Variants in ZNF474 observed in about 807,000 individuals in gnomAD.
ZNF474 encodes the protein zinc finger protein 474, also known as 4933409D10Rik.
For synonymous variants in ZNF474, 192 were observed against 162.2 expected (o/e 1.18, Z -1.39); for missense variants, 511 against 433.8 (o/e 1.18, Z -1.58).
At chr5:122,151,466 C>G (rs1420936622) in intron 1 of ZNF474, among the ~76,000 whole-genome samples, 1 of 152,058 alleles carries the variant, frequency 6.6e-6, no homozygotes, top group African/African-American at 2.4e-5. Context: ...TGGTCTCAGC[C>G]TCTATTGCTT....
At chr5:122,136,903 A>G (rs1257919072) in intron 1 of ZNF474, among the ~76,000 whole-genome samples, 2 of 152,196 alleles carry the variant, frequency 1.3e-5, no homozygotes, top group Non-Finnish European at 2.9e-5. Flanking sequence ...TTTTGTTATG[A>G]CCTACAATGT....
intron 1 of ZNF474, among the ~76,000 whole-genome samples, chr5:122,134,475 C>T (rs1040206903): frequency 6.6e-6 from 1 of 152,208 alleles, no homozygotes; most frequent in African/African-American, 2.4e-5. Context: ...AGAAAATTTT[C>T]TTGTCTTTGC....
intron 1 of ZNF474, among the ~76,000 whole-genome samples, chr5:122,143,559 G>A (rs996083561): frequency 7.9e-5 from 12 of 152,138 alleles, no homozygotes; most frequent in African/African-American, 2.7e-4. Flanking sequence ...ATTCTAGGTC[G>A]AGAAGGGGCT....
chr5:122,144,987 A>C (rs1755950020), intron 1 of ZNF474, among the ~76,000 whole-genome samples: 2 of 152,226 alleles, frequency 1.3e-5, no homozygotes, highest in Non-Finnish European at 2.9e-5. Flanking sequence ...TGATATTATA[A>C]GCCTTAACAA....
At chr5:122,133,402 C>T (rs190061480) in intron 1 of ZNF474, among the ~76,000 whole-genome samples, 21 of 152,124 alleles carry the variant, frequency 1.4e-4, no homozygotes, top group African/African-American at 4.6e-4. Context: ...CATATTCTTA[C>T]GAATTGACAG....
At chr5:122,142,356 G>C (rs1224444101) in intron 1 of ZNF474, among the ~76,000 whole-genome samples, 1 of 152,176 alleles carries the variant, frequency 6.6e-6, no homozygotes, top group African/African-American at 2.4e-5. Flanking sequence ...TCTTATGTGT[G>C]ACTTAAAATA....
Position 122,153,499 on chromosome 5 carries a change from A to G in ZNF474, c.*414A>G, listed in dbSNP as rs1159747950. On this transcript the variant is annotated 3_prime_UTR_variant, in exon 2 of 2. Transcript: ENST00000296600. ...TGGGTTATGCTGAGTTTATCTTACT[A>G]AAATAGAATCTGTGTCAAAAACCCC... The G allele has an allele frequency of 5.5e-6, 1 of 181,002 alleles. No individual in the cohort carries two copies. The highest frequency in any genetic ancestry group is 2.4e-5 in the African/African-American group (1 of 41,842). The allele number at this position is 181,002 out of a possible 1,614,324, so 11.2% of individuals were successfully genotyped here.
chr5:122,139,451 A>G (rs920430824), intron 1 of ZNF474, among the ~76,000 whole-genome samples: 1 of 152,190 alleles, frequency 6.6e-6, no homozygotes, highest in Non-Finnish European at 1.5e-5. Context: ...GGAATTTTGC[A>G]GTCAACTAAA....
At chr5:122,132,783 G>A (rs1755611678) in intron 1 of ZNF474, among the ~76,000 whole-genome samples, 1 of 152,118 alleles carries the variant, frequency 6.6e-6, no homozygotes. Flanking sequence ...CATCAAAAAT[G>A]AATTGATCAT....
chr5:122,135,000 G>C (rs1173641004), intron 1 of ZNF474, among the ~76,000 whole-genome samples: 1 of 152,126 alleles, frequency 6.6e-6, no homozygotes, highest in Non-Finnish European at 1.5e-5. Context: ...GGACAAATGG[G>C]ATCACAGCCA....
chr5:122,132,753 T>C (rs574759652), intron 1 of ZNF474, among the ~76,000 whole-genome samples: 1 of 152,322 alleles, frequency 6.6e-6, no homozygotes, highest in African/African-American at 2.4e-5. Flanking sequence ...CCTCTCTCCA[T>C]TGAATTGTCT....
chr5:122,147,399 A>T (rs1756020132), intron 1 of ZNF474, among the ~76,000 whole-genome samples: 1 of 152,148 alleles, frequency 6.6e-6, no homozygotes, highest in Non-Finnish European at 1.5e-5. Context: ...ATATACTTTA[A>T]GTTCTAGGGT....
chr5:122,135,944 G>C (rs1438586036), intron 1 of ZNF474, among the ~76,000 whole-genome samples: 1 of 151,984 alleles, frequency 6.6e-6, no homozygotes, highest in African/African-American at 2.4e-5. Context: ...AAAAAAAAAT[G>C]TGATCTCATT....
chr5:122,138,592 C>A (rs959015936), intron 1 of ZNF474, among the ~76,000 whole-genome samples: 5 of 152,362 alleles, frequency 3.3e-5, no homozygotes, highest in Middle Eastern at 6.8e-3. Context: ...TCTCAGCCAA[C>A]AATTGTCCTT....
chr5:122,135,303 C>G (rs1211695912), intron 1 of ZNF474, among the ~76,000 whole-genome samples: 2 of 151,936 alleles, frequency 1.3e-5, no homozygotes, highest in Non-Finnish European at 2.9e-5. Flanking sequence ...GACTTCATCT[C>G]AAAAAATTTT....
At chr5:122,139,881 T>A (rs1173748216) in intron 1 of ZNF474, among the ~76,000 whole-genome samples, 1 of 152,220 alleles carries the variant, frequency 6.6e-6, no homozygotes, top group Non-Finnish European at 1.5e-5. Flanking sequence ...TTATTTGCCA[T>A]ATTTGCATTT....
At chr5:122,138,747 G>T (rs1755766657) in intron 1 of ZNF474, among the ~76,000 whole-genome samples, 1 of 151,952 alleles carries the variant, frequency 6.6e-6, no homozygotes, top group South Asian at 2.1e-4. Context: ...AAGAAATATG[G>T]AGAGGAATGC....
intron 1 of ZNF474, among the ~76,000 whole-genome samples, chr5:122,148,819 C>T (rs927709384): frequency 2.0e-5 from 3 of 151,778 alleles, no homozygotes; most frequent in Non-Finnish European, 4.4e-5. Flanking sequence ...TCTCTGCAAA[C>T]TCTGCCTCCC....
At chr5:122,151,226 T>C (rs1159505734) in intron 1 of ZNF474, among the ~76,000 whole-genome samples, 7 of 152,214 alleles carry the variant, frequency 4.6e-5, no homozygotes, top group African/African-American at 1.7e-4. Flanking sequence ...TCAGTAAAAC[T>C]GATTTCACCT....
Sources: gnomAD v4.1 joint callset for allele counts (sites outside exome capture counted in the v4.1 genomes callset) on GRCh38, gnomAD v4.1.1 for gene constraint, MANE v1.5 for transcripts, NCBI Gene and HGNC (gene_info 2026-07-23, HGNC 2026-07-21) for gene names.